Variants in XRN2 observed in about 807,000 individuals in gnomAD.
The protein encoded by XRN2 is 5'-3' exoribonuclease 2, also known as DHM1-like protein.
A neutral mutation model predicts 138.5 loss-of-function variants in XRN2; 44 were observed. The observed-to-expected ratio is 0.32, with a 90% CI of 0.25 to 0.41. The LOEUF is 0.41. Among genes scored for constraint, XRN2 ranks in the 10% least tolerant of loss-of-function variants. The pLI is 1.00. For synonymous variants in XRN2, 354 were observed against 369.4 expected, an observed-to-expected ratio of 0.96 and a Z score of 0.48; for missense variants, 937 against 1,169.3, an observed-to-expected ratio of 0.80 and a Z score of 2.90.
intron 22 of XRN2, 101 bp downstream of exon 22, chr20:21,356,278 T>C: frequency 1.1e-6 from 1 of 881,738 alleles, no homozygotes. Flanking sequence ...TAAGTGGTTA[T>C]TCTGTGGCAT....
rs775848483 is a variant in XRN2 at position 21,368,515 on chromosome 20, C to G, written c.2509C>G (p.Pro837Ala). ...TGGCATTTACAGCAATGCTGCACCA[C>G]CACCTGTGACTTACCAGGGAAACTT... ...GTGIYSNAAP[P>A]PVTYQGNLYR... Residue 837 changes from proline (P) to alanine (A), a missense_variant, in exon 27 of 30, where the codon CCA (proline) becomes GCA (alanine). By Grantham distance (27) the Pro-to-Ala change is conservative. Transcript: ENST00000377191. The G allele has an allele frequency of 6.2e-7, 1 of 1,614,068 alleles. No homozygotes were observed.
intron 20 of XRN2, among the ~76,000 whole-genome samples, chr20:21,352,797 T>C (rs2038525799): frequency 1.3e-5 from 2 of 152,168 alleles, no homozygotes; most frequent in Non-Finnish European, 1.5e-5. Flanking sequence ...TCAGAAAGTC[T>C]GATACTAGAG....
In XRN2 at chr20:21,333,564, T is replaced by C; in HGVS notation, c.879T>C (p.Ser293=). ...TGCAGCATGATGAACTTGCCGATAG[T>C]CTTCCTTGTGCAGAAGGAGAGTTTA... The part of the protein sequence containing the change: ...KKGKHDELAD[S]LPCAEGEFIF... Residue 293 remains serine, a synonymous_variant, in exon 10 of 30, where the codon AGT becomes AGC. Transcript: ENST00000377191. 1.2e-6 allele frequency: 2 copies of C among 1,613,354 alleles called. No homozygotes were observed. Among genetic ancestry groups the C allele is most frequent in the Non-Finnish European group, 1.7e-6 (2 of 1,179,296 alleles).
Position 21,368,545 on chromosome 20 carries a change from A to G in XRN2, c.2539A>G (p.Arg847Gly). The change falls in exon 27 of 30, where the codon AGG (arginine) becomes GGG (glycine). Residue 847 changes from arginine to glycine, a missense_variant. Transcript: ENST00000377191. Reference sequence around the variant, plus strand: ...TGTGACTTACCAGGGAAACTTATACAGGCCGCTTTTGAGAGGACAAGCCCA... The same window carrying G: ...TGTGACTTACCAGGGAAACTTATACGGGCCGCTTTTGAGAGGACAAGCCCA... ...PPVTYQGNLY[R>G]PLLRGQAQIP... 6.2e-7 allele frequency: 1 copy of G among 1,614,108 alleles called. No homozygotes were observed. Among genetic ancestry groups the G allele is most frequent in the Non-Finnish European group, 8.5e-7 (1 of 1,179,960 alleles).
rs1018967664 is a variant in XRN2, at chr20:21,339,160, A to G, written c.1278+72A>G. ...AATTTATGAGGAAGATGTTCATTACAGTAGCTTTATTCCTTGTCCAGTAGG... is the reference window on the plus strand; with the variant it reads ...AATTTATGAGGAAGATGTTCATTACGGTAGCTTTATTCCTTGTCCAGTAGG... On this transcript the variant is annotated intron_variant, in intron 14 of 29. Transcript: ENST00000377191. The G allele has an allele frequency of 2.7e-6, 4 of 1,459,016 alleles. No individual in the cohort carries two copies. The African/African-American group carries it at 4.2e-5, about 15-fold the overall frequency. 90.4% of individuals were successfully genotyped at this position (1,459,016 alleles called of 1,614,324 possible). A position where few individuals can be genotyped will look rare whatever the true frequency, so the allele number is the denominator to read the frequency against.
At chr20:21,365,513 TTTA>T in intron 25 of XRN2, 24 bp downstream of exon 25, 1 of 1,613,774 alleles carries the variant, frequency 6.2e-7, no homozygotes, top group Non-Finnish European at 8.5e-7. Context: ...ATTACCTAGA[TTTA>T]TTTTGTACAA....
intron 1 of XRN2, among the ~76,000 whole-genome samples, chr20:21,316,711 C>T (rs1160874843): frequency 6.6e-6 from 1 of 152,166 alleles, no homozygotes; most frequent in African/African-American, 2.4e-5. Context: ...TTGAATTTGT[C>T]AATCAGTTTG....
At chr20:21,303,527 A>G (rs900924044) in intron 1 of XRN2, 54 bp downstream of exon 1, 50 of 1,513,626 alleles carry the variant, frequency 3.3e-5, no homozygotes, top group Non-Finnish European at 4.3e-5. Flanking sequence ...CGGCACGTCT[A>G]GGCCGCGGCC....
At chr20:21,349,276 A>G (rs1243066439) in intron 19 of XRN2, 113 bp from the exon 20 acceptor site, 3 of 740,894 alleles carry the variant, frequency 4.0e-6, no homozygotes, top group East Asian at 5.2e-5. Context: ...TTTAAAAGGA[A>G]TGCACTTTAT....
At chr20:21,322,723 T>C (rs563705842) in intron 1 of XRN2, among the ~76,000 whole-genome samples, 8 of 152,268 alleles carry the variant, frequency 5.3e-5, no homozygotes, top group Non-Finnish European at 1.0e-4. Context: ...ATTTGTATTA[T>C]CTTTACTTCT....
intron 13 of XRN2, 76 bp from the exon 14 acceptor site, chr20:21,338,968 A>G (rs1313325179): frequency 1.3e-5 from 18 of 1,421,372 alleles, no homozygotes; most frequent in South Asian, 2.4e-5. Context: ...TTGTCTCCCA[A>G]ATCATTCCTG....
intron 1 of XRN2, among the ~76,000 whole-genome samples, chr20:21,321,301 CTGTGTGTGTGTGTGTGTGTG>C (rs61188840): frequency 1.5e-4 from 18 of 121,426 alleles, no homozygotes; most frequent in South Asian, 6.4e-4. Flanking sequence ...CTGTGCCTGG[CTGTGTGTGTGTGTGTGTGTG>C]TGTGTGTGTG....
intron 16 of XRN2, among the ~76,000 whole-genome samples, chr20:21,345,596 T>A (rs1359833004): frequency 3.3e-5 from 5 of 152,184 alleles, no homozygotes; most frequent in Non-Finnish European, 7.3e-5. Flanking sequence ...TTATGTTCCT[T>A]AAATGTTAAA....
chr20:21,326,500 A>G lies in XRN2; in HGVS notation c.214A>G (p.Lys72Glu). 6.2e-7 allele frequency: 1 copy of G among 1,614,060 alleles called. No individual in the cohort carries two copies. Residue 72 changes from lysine to glutamate, a missense_variant, in exon 3 of 30, where the codon AAA (lysine) becomes GAA (glutamate). Around this residue, in one of 6 missense-constraint regions of XRN2, gnomAD observed 51 missense variants for 93.5 expected, o/e 0.55. Coordinates refer to ENST00000377191, the MANE Select transcript of XRN2 (RefSeq NM_012255.5). ...TGGTTGTCATTATAGACCAGCACCA[A>G]AAAATGAAGATGAAATGATGGTTGC... ...CTHPEDKPAP[K>E]NEDEMMVAIF... is the part of the protein sequence containing the mutation.
At chr20:21,372,871 C>T (rs996865605) in intron 27 of XRN2, among the ~76,000 whole-genome samples, 2 of 152,102 alleles carry the variant, frequency 1.3e-5, no homozygotes, top group African/African-American at 4.8e-5. Context: ...TAGTATCATA[C>T]ATTACCTTTT....
At position 21,365,326 on chromosome 20, in the gene XRN2, T is replaced by C. The variant is rs563826852; in HGVS notation, c.2256-95T>C. ...AACCCATTTATTAACTAAAATAATTTTTGGAGAGGACTTAAACATGAAAAA... is the reference window on the plus strand; with the variant it reads ...AACCCATTTATTAACTAAAATAATTCTTGGAGAGGACTTAAACATGAAAAA... On this transcript the variant is annotated intron_variant, in intron 24 of 29. Coordinates refer to ENST00000377191, the MANE Select transcript of XRN2 (RefSeq NM_012255.5). 5.2e-5 allele frequency: 62 copies of C among 1,193,652 alleles called. 1 individual carries two copies. In the South Asian group the frequency reaches 7.6e-4, roughly 15 times the overall value. 73.9% of individuals were successfully genotyped at this position (1,193,652 alleles called of 1,614,324 possible).
intron 6 of XRN2, among the ~76,000 whole-genome samples, chr20:21,331,346 C>CA (rs2038204236): frequency 6.6e-6 from 1 of 151,890 alleles, no homozygotes; most frequent in Admixed American, 6.6e-5. Flanking sequence ...CTCTCACACA[C>CA]ACACACCCCT....
At chr20:21,335,303 C>T (rs1284281579) in intron 13 of XRN2, among the ~76,000 whole-genome samples, 1 of 152,168 alleles carries the variant, frequency 6.6e-6, no homozygotes, top group Non-Finnish European at 1.5e-5. Flanking sequence ...TTCTTAGAAA[C>T]AGCAAGGAAA....
chr20:21,356,322 A>C (rs1337395330), intron 22 of XRN2, 145 bp downstream of exon 22: 9 of 653,374 alleles, frequency 1.4e-5, no homozygotes, highest in Admixed American at 6.8e-5. Context: ...AACCATTAGC[A>C]CTTTTTCAGA....
Sources: gnomAD v4.1 joint callset for allele counts (sites outside exome capture counted in the v4.1 genomes callset) on GRCh38, gnomAD v4.1.1 for gene constraint, gnomAD v4.1.1 regional missense constraint, MANE v1.5 for transcripts, NCBI Gene and HGNC (gene_info 2026-07-23, HGNC 2026-07-21) for gene names.